THSD7B: variants seen among roughly 807,000 people sequenced by gnomAD.
THSD7B encodes the protein thrombospondin type-1 domain-containing protein 7B.
In THSD7B, 138 loss-of-function variants were observed where a neutral mutation model predicts 213.6. The ratio of observed to expected loss-of-function variants is 0.65; its 90% CI spans 0.56 to 0.74. THSD7B has a LOEUF of 0.74. Ranked by LOEUF, THSD7B falls within the 30% of genes least tolerant of loss-of-function variation. The pLI, the probability that THSD7B is intolerant of heterozygous loss-of-function variation, is 0.00. For missense variants in THSD7B, 1,931 were observed against 1,991.5 expected, an observed-to-expected ratio of 0.97 and a Z score of 0.58; for synonymous variants, 742 against 687.0, an observed-to-expected ratio of 1.08 and a Z score of -1.25.
At chr2:137,500,672 CAAATG>C (rs936992566) in intron 15 of THSD7B, among the ~76,000 whole-genome samples, 2 of 152,280 alleles carry the variant, frequency 1.3e-5, no homozygotes, top group East Asian at 1.9e-4. Context: ...CTGTGAGAAT[CAAATG>C]AAATGATATG....
At chr2:137,656,755 T>C in intron 22 of THSD7B, 41 bp from the exon 23 acceptor site, 1 of 1,574,746 alleles carries the variant, frequency 6.4e-7, no homozygotes, top group Non-Finnish European at 8.6e-7. Flanking sequence ...AGTGCCACTT[T>C]TCATGCTGTT....
At chr2:137,115,370 T>C (rs941690192) in intron 5 of THSD7B, 77 bp downstream of exon 5, 9 of 1,371,654 alleles carry the variant, frequency 6.6e-6, no homozygotes, top group Non-Finnish European at 8.6e-6. Flanking sequence ...AGTATTCTTC[T>C]TGAAATAAGT....
At chr2:137,038,133 T>A (rs1055542671) in intron 2 of THSD7B, among the ~76,000 whole-genome samples, 1 of 152,174 alleles carries the variant, frequency 6.6e-6, no homozygotes, top group Non-Finnish European at 1.5e-5. Context: ...ATGGTGGTAG[T>A]TATCACTTGG....
intron 12 of THSD7B, among the ~76,000 whole-genome samples, chr2:137,377,879 C>T (rs1160926426): frequency 1.3e-5 from 2 of 152,126 alleles, no homozygotes; most frequent in East Asian, 1.9e-4. Flanking sequence ...CCCGCCTCAG[C>T]CTCCCGAAGT....
At chr2:137,020,551 G>A (rs888153548) in intron 2 of THSD7B, among the ~76,000 whole-genome samples, 7 of 152,074 alleles carry the variant, frequency 4.6e-5, no homozygotes, top group Admixed American at 2.6e-4. Context: ...AGGACCCCCC[G>A]TTATTTCATT....
At chr2:137,260,571 T>C (rs559845382) in intron 10 of THSD7B, among the ~76,000 whole-genome samples, 93 of 152,274 alleles carry the variant, frequency 6.1e-4, no homozygotes, top group South Asian at 1.9e-3. Context: ...GAGATGAGCC[T>C]GGACGACAAA....
intron 14 of THSD7B, among the ~76,000 whole-genome samples, chr2:137,438,926 G>A (rs1005084298): frequency 7.2e-5 from 11 of 151,988 alleles, no homozygotes; most frequent in East Asian, 1.9e-4. Flanking sequence ...AATTATTAGC[G>A]TCCTTACAAG....
At chr2:136,933,740 A>G (rs1480253512) in intron 2 of THSD7B, among the ~76,000 whole-genome samples, 1 of 152,022 alleles carries the variant, frequency 6.6e-6, no homozygotes, top group East Asian at 1.9e-4. Context: ...ATCCTTCAGT[A>G]TTATCACAGA....
At chr2:137,263,562 G>T (rs184818156) in intron 10 of THSD7B, among the ~76,000 whole-genome samples, 1 of 152,020 alleles carries the variant, frequency 6.6e-6, no homozygotes, top group Non-Finnish European at 1.5e-5. Context: ...AGAATATAGA[G>T]TACATTTTTT....
At chr2:136,954,330 A>G (rs1377503212) in intron 2 of THSD7B, among the ~76,000 whole-genome samples, 2 of 152,174 alleles carry the variant, frequency 1.3e-5, no homozygotes, top group African/African-American at 2.4e-5. Context: ...AAGAAAAGGT[A>G]AAGTGTTTTG....
chr2:137,586,327 C>T (rs1681726600), intron 17 of THSD7B, among the ~76,000 whole-genome samples: 1 of 152,118 alleles, frequency 6.6e-6, no homozygotes, highest in Admixed American at 6.6e-5. Flanking sequence ...AGTATTTAGC[C>T]CATTTACATT....
At chr2:137,452,313 CCT>C (rs562735596) in intron 15 of THSD7B, among the ~76,000 whole-genome samples, 272 of 151,702 alleles carry the variant, frequency 1.8e-3, no homozygotes, top group Middle Eastern at 6.8e-3. Context: ...GGAAAAAAAA[CCT>C]CAAGATTTTG....
At chr2:136,809,942 G>T (rs1232092984) in intron 1 of THSD7B, among the ~76,000 whole-genome samples, 1 of 152,136 alleles carries the variant, frequency 6.6e-6, no homozygotes, top group Non-Finnish European at 1.5e-5. Flanking sequence ...CCTACCACTT[G>T]CTAAGCCATT....
rs1032410915 is a variant in THSD7B, at chr2:137,667,854, C to CTTGT, written c.4736_4739dup (p.Lys1581LeufsTer30). ...GATTTTCCTAATATTTACTTCCTAC[C>CTTGT]TTGTTTGGTAAGTACTAATTAGTAA... On this transcript the variant is annotated frameshift_variant, in exon 27 of 28. Transcript: ENST00000409968. LOFTEE classifies it high-confidence loss of function. 12 of 1,588,030 alleles carry CTTGT rather than the reference C, an allele frequency of 7.6e-6. No individual in the cohort carries two copies. The highest frequency in any genetic ancestry group is 2.7e-5 in the African/African-American group (2 of 74,480).
rs1294221186 is a variant in THSD7B at position 137,310,278 on chromosome 2, G to GT, written c.2500+34258dup. Among the ~76,000 whole-genome samples, 17 of 151,524 alleles carry GT rather than the reference G, an allele frequency of 1.1e-4. No individual in the cohort carries two copies. In the South Asian group the frequency reaches 2.8e-3, roughly 25 times the overall value. On this transcript the variant is annotated intron_variant, in intron 12 of 27. Coordinates refer to ENST00000409968, the MANE Select transcript of THSD7B (RefSeq NM_001316349.2). ...AGTGATGGTGAGCATTTTTTCATGT[G>GT]TTTTTTGGCTGCATAAATGTCTTCT...
chr2:137,426,874 A>G (rs1558793707), intron 14 of THSD7B, among the ~76,000 whole-genome samples: 1 of 152,174 alleles, frequency 6.6e-6, no homozygotes. Context: ...GGAATAGGAA[A>G]AAATATTTGG....
intron 7 of THSD7B, among the ~76,000 whole-genome samples, chr2:137,197,931 A>G (rs1458460303): frequency 1.3e-5 from 2 of 152,174 alleles, no homozygotes; most frequent in Admixed American, 6.6e-5. Flanking sequence ...ACAATTTCCT[A>G]TTCCGCACAC....
In THSD7B at chr2:137,451,011, T is replaced by A; in HGVS notation, c.3126T>A (p.Asp1042Glu). ...YNGGRPCPKL[D>E]LKNQVHEAVP... Reference sequence around the variant, plus strand: ...GAGGACGACCATGTCCCAAACTGGATCTCAAGAATCAGGTAAAGTGCATGA... The same window carrying A: ...GAGGACGACCATGTCCCAAACTGGAACTCAAGAATCAGGTAAAGTGCATGA... Residue 1042 changes from aspartate to glutamate, a missense_variant, in exon 15 of 28, where the codon GAT (aspartate) becomes GAA (glutamate). Transcript: ENST00000409968. 1 of 1,596,236 alleles carries A rather than the reference T, an allele frequency of 6.3e-7. No homozygotes were observed. The highest frequency in any genetic ancestry group is 8.5e-7 in the Non-Finnish European group (1 of 1,171,506).
intron 14 of THSD7B, among the ~76,000 whole-genome samples, chr2:137,443,272 T>C (rs1342336621): frequency 6.6e-6 from 1 of 152,168 alleles, no homozygotes; most frequent in Admixed American, 6.6e-5. Context: ...CAGTTCTTTA[T>C]AGGATTTGGC....
Sources: gnomAD v4.1 joint callset for allele counts (sites outside exome capture counted in the v4.1 genomes callset) on GRCh38, gnomAD v4.1.1 for gene constraint, MANE v1.5 for transcripts, NCBI Gene and HGNC (gene_info 2026-07-23, HGNC 2026-07-21) for gene names.